The following RNF220 variants were observed in gnomAD, a reference collection of about 807,000 sequenced individuals.
RNF220 encodes the protein ring finger protein 220.
In RNF220, 7 loss-of-function variants were observed where a neutral mutation model predicts 67.1. The ratio of observed to expected loss-of-function variants is 0.10; its 90% confidence interval spans 0.06 to 0.20. The LOEUF (loss-of-function observed/expected upper bound fraction) is 0.20. Ranked by LOEUF, RNF220 falls within the 10% of genes least tolerant of loss-of-function variation. The pLI is 1.00. For missense variants in RNF220, 565 were observed against 740.3 expected, an observed-to-expected ratio of 0.76 and a Z score of 2.75; for synonymous variants, 270 against 283.2, an observed-to-expected ratio of 0.95 and a Z score of 0.47.
chr1:44,586,236 A>G (rs756502568), intron 2 of RNF220, among the ~76,000 whole-genome samples: 1 of 152,202 alleles, frequency 6.6e-6, no homozygotes, highest in Non-Finnish European at 1.5e-5. Context: ...CCAAATGGAC[A>G]TGTCCTTTGG....
rs1173162037 is a variant in RNF220, at chr1:44,412,291, G to A, written c.194G>A (p.Gly65Asp). ...GACGTGCATATTCCTTTCACCAACG[G>A]TTCCTATACCTTTGCCTCTATGTAC... ...DKDVHIPFTN[G>D]SYTFASMYHR... Residue 65 changes from glycine (G) to aspartate (D), a missense_variant, in exon 2 of 15, where the codon GGT (glycine) becomes GAT (aspartate). By Grantham distance (94) the Gly-to-Asp change is moderately conservative. Coordinates refer to ENST00000361799, the MANE Select transcript of RNF220 (RefSeq NM_018150.4). The surrounding 1 kb of genome is among the most constrained non-coding windows in gnomAD (Gnocchi z 5.3). 2 of 1,614,040 alleles carry A rather than the reference G, an allele frequency of 1.2e-6. No homozygotes were observed. The highest frequency in any genetic ancestry group is 3.3e-5 in the Admixed American group (2 of 60,004).
Position 44,530,283 on chromosome 1 carries a change from T to C in RNF220, c.626-83882T>C, listed in dbSNP as rs559325742. On this transcript the variant is annotated intron_variant, in intron 2 of 14. Transcript: ENST00000361799. ...ATAATTGTGGTTATCTGAAATACCATGATGAACAACCTAAGTCTTTTGACA... is the reference window on the plus strand; with the variant it reads ...ATAATTGTGGTTATCTGAAATACCACGATGAACAACCTAAGTCTTTTGACA... Among the ~76,000 whole-genome samples the C allele has an allele frequency of 1.9e-3, 282 of 152,282 alleles. 2 individuals carry two copies. Among genetic ancestry groups the C allele is most frequent in the African/African-American group, 6.6e-3 (274 of 41,568 alleles).
At chr1:44,588,256 C>T (rs189790340) in intron 2 of RNF220, among the ~76,000 whole-genome samples, 4 of 152,224 alleles carry the variant, frequency 2.6e-5, no homozygotes, top group Admixed American at 1.3e-4. Flanking sequence ...CATGGAGGCT[C>T]GCTGGCAGGG....
intron 2 of RNF220, among the ~76,000 whole-genome samples, chr1:44,520,089 G>GTA (rs1659790630): frequency 9.9e-6 from 1 of 101,038 alleles, no homozygotes; most frequent in Non-Finnish European, 2.0e-5. Context: ...CCAGCATTGT[G>GTA]TGTGTGTGTG....
At chr1:44,546,747 G>A (rs1357049048) in intron 2 of RNF220, among the ~76,000 whole-genome samples, 3 of 152,128 alleles carry the variant, frequency 2.0e-5, no homozygotes, top group African/African-American at 2.4e-5. Context: ...CCAAAGCTGG[G>A]ACTTCTGAGC....
intron 2 of RNF220, among the ~76,000 whole-genome samples, chr1:44,554,083 G>A (rs1434678976): frequency 6.6e-6 from 1 of 152,154 alleles, no homozygotes; most frequent in African/African-American, 2.4e-5. Flanking sequence ...TTGGTTGTTG[G>A]GGCAGAAGAC....
At chr1:44,422,934 C>T (rs1649387188) in intron 2 of RNF220, among the ~76,000 whole-genome samples, 1 of 152,112 alleles carries the variant, frequency 6.6e-6, no homozygotes, top group African/African-American at 2.4e-5. Flanking sequence ...AAATGTGATG[C>T]ACTCATTGGT....
intron 2 of RNF220, among the ~76,000 whole-genome samples, chr1:44,439,387 T>C (rs1393377192): frequency 6.6e-6 from 1 of 152,108 alleles, no homozygotes; most frequent in Non-Finnish European, 1.5e-5. Context: ...GTTTCCATCT[T>C]TTTCTAATTG....
chr1:44,556,496 C>G (rs1663092193), intron 2 of RNF220, among the ~76,000 whole-genome samples: 1 of 150,522 alleles, frequency 6.6e-6, no homozygotes, highest in African/African-American at 2.5e-5. Flanking sequence ...TAATGCAACT[C>G]CCTCAGACTG....
chr1:44,545,501 T>C (rs1662056943), intron 2 of RNF220: 1 of 154,186 alleles, frequency 6.5e-6, no homozygotes, highest in Non-Finnish European at 1.5e-5. Flanking sequence ...AACAGGGAAA[T>C]GGGAAGAACT....
rs868086001 is a variant in RNF220 at position 44,535,419 on chromosome 1, A to G, written c.626-78746A>G. 1.2e-4 allele frequency among the ~76,000 whole-genome samples: 18 copies of G among 152,058 alleles called. No homozygotes were observed. In the Middle Eastern group the frequency reaches 0.01, roughly 86 times the overall value. On this transcript the variant is annotated intron_variant, in intron 2 of 14. Coordinates refer to ENST00000361799, the MANE Select transcript of RNF220 (RefSeq NM_018150.4). Reference sequence around the variant, plus strand: ...CTCCCAAAGTGCTGCGATTACAGGCATGAGCCACCGTGCCCGGCCAGGAGG... The same window carrying G: ...CTCCCAAAGTGCTGCGATTACAGGCGTGAGCCACCGTGCCCGGCCAGGAGG...
intron 2 of RNF220, among the ~76,000 whole-genome samples, chr1:44,563,372 G>T (rs1663736710): frequency 6.6e-6 from 1 of 152,164 alleles, no homozygotes. Context: ...TGGTAGAAAG[G>T]GGCTTCATCC....
At chr1:44,632,526 T>G (rs1284839914) in intron 6 of RNF220, 141 bp downstream of exon 6, 2 of 816,450 alleles carry the variant, frequency 2.4e-6, no homozygotes, top group Non-Finnish European at 4.0e-6. Flanking sequence ...CCTGAGTATG[T>G]GCAAACCAAA....
At chr1:44,601,763 C>T (rs6704426) in intron 2 of RNF220, among the ~76,000 whole-genome samples, 73,418 of 151,948 alleles carry the variant, frequency 0.48, 18,680 homozygotes, top group Middle Eastern at 0.61. Flanking sequence ...AAAGAGGAGA[C>T]GGAGCTGACC....
intron 2 of RNF220, among the ~76,000 whole-genome samples, chr1:44,547,307 C>T (rs1158022679): frequency 6.6e-6 from 1 of 152,234 alleles, no homozygotes; most frequent in Non-Finnish European, 1.5e-5. Context: ...TATTTAACCA[C>T]TTCCATTCTC....
chr1:44,422,458 C>T (rs1369936463), intron 2 of RNF220, among the ~76,000 whole-genome samples: 2 of 152,214 alleles, frequency 1.3e-5, no homozygotes, highest in Non-Finnish European at 2.9e-5. Context: ...GGAAAAGAAC[C>T]CAGACATGGG....
intron 2 of RNF220, among the ~76,000 whole-genome samples, chr1:44,577,254 C>T (rs1360851859): frequency 6.6e-6 from 1 of 152,212 alleles, no homozygotes; most frequent in Non-Finnish European, 1.5e-5. Flanking sequence ...GTACAAGCCC[C>T]TGCAGCCTTC....
chr1:44,429,848 G>A (rs1362513808), intron 2 of RNF220, among the ~76,000 whole-genome samples: 2 of 152,144 alleles, frequency 1.3e-5, no homozygotes, highest in Non-Finnish European at 2.9e-5. Flanking sequence ...AATATCCTTT[G>A]ATGGGATTCA....
chr1:44,422,336 A>T (rs527272133), intron 2 of RNF220, among the ~76,000 whole-genome samples: 11 of 148,076 alleles, frequency 7.4e-5, no homozygotes, highest in Admixed American at 3.4e-4. Flanking sequence ...CAGTAAAATT[A>T]AAAAAAAAAA....
Sources: allele counts gnomAD v4.1 joint callset (sites outside exome capture counted in the v4.1 genomes callset), GRCh38; gene constraint gnomAD v4.1.1; non-coding constraint Gnocchi (gnomAD v3.1); transcripts MANE v1.5; gene names NCBI Gene and HGNC (gene_info 2026-07-23, HGNC 2026-07-21).